The following PAM variants were observed in gnomAD, a reference collection of about 807,000 sequenced individuals.
The protein encoded by PAM is peptidylglycine alpha-amidating monooxygenase, also known as peptidyl-glycine alpha-amidating monooxygenase.
A neutral mutation model predicts 122.1 loss-of-function variants in PAM; 72 were observed. The ratio of observed to expected loss-of-function variants is 0.59; its 90% CI spans 0.49 to 0.72. The LOEUF (loss-of-function observed/expected upper bound fraction) is 0.72. Ranked by LOEUF, PAM falls within the 30% of genes least tolerant of loss-of-function variation. The pLI is 0.00. For missense variants in PAM, 1,106 were observed against 1,183.7 expected, an observed-to-expected ratio of 0.93 and a Z score of 0.96; for synonymous variants, 389 against 404.4, an observed-to-expected ratio of 0.96 and a Z score of 0.46.
intron 4 of PAM, among the ~76,000 whole-genome samples, chr5:102,902,987 CATA>C (rs1798450091): frequency 6.6e-6 from 1 of 151,324 alleles, no homozygotes; most frequent in African/African-American, 2.4e-5. Context: ...TTTACGTTCA[CATA>C]ATTTAAAATG....
At chr5:102,924,835 A>G (rs1050108215) in intron 5 of PAM, 122 bp from the exon 6 acceptor site, 1 of 633,944 alleles carries the variant, frequency 1.6e-6, no homozygotes, top group African/African-American at 1.8e-5. Context: ...AATATCATGC[A>G]ATGATGATAT....
chr5:102,933,614 G>GT (rs1286694865), intron 7 of PAM, among the ~76,000 whole-genome samples: 1 of 152,232 alleles, frequency 6.6e-6, no homozygotes, highest in African/African-American at 2.4e-5. Flanking sequence ...GTAGTAGAGT[G>GT]AAGAGCCAGG....
intron 15 of PAM, among the ~76,000 whole-genome samples, chr5:102,978,959 A>G (rs1036564169): frequency 1.3e-5 from 2 of 151,958 alleles, no homozygotes; most frequent in Admixed American, 6.6e-5. Context: ...TCCACAGCTC[A>G]AGAAACCAAG....
At chr5:102,869,671 G>T (rs573333553) in intron 3 of PAM, among the ~76,000 whole-genome samples, 4 of 152,268 alleles carry the variant, frequency 2.6e-5, no homozygotes, top group Admixed American at 6.5e-5. Context: ...ACTATCCATT[G>T]AATATGCCCA....
intron 1 of PAM, among the ~76,000 whole-genome samples, chr5:102,767,952 A>G (rs970799648): frequency 1.3e-5 from 2 of 152,142 alleles, no homozygotes; most frequent in Admixed American, 1.3e-4. Context: ...ATTTGAATCC[A>G]CAGACTCTGG....
chr5:102,887,050 A>T (rs1793343527), intron 3 of PAM, among the ~76,000 whole-genome samples: 1 of 152,066 alleles, frequency 6.6e-6, no homozygotes, highest in Non-Finnish European at 1.5e-5. Flanking sequence ...GGTACTTAGT[A>T]GACATTAAGA....
intron 4 of PAM, among the ~76,000 whole-genome samples, chr5:102,903,304 T>C (rs1185521018): frequency 6.6e-6 from 1 of 151,580 alleles, no homozygotes; most frequent in African/African-American, 2.4e-5. Context: ...AGGTGGTTTG[T>C]GGTTACTGTT....
At chr5:102,765,905 A>G (rs897698100) in intron 1 of PAM, among the ~76,000 whole-genome samples, 1 of 152,208 alleles carries the variant, frequency 6.6e-6, no homozygotes, top group African/African-American at 2.4e-5. Context: ...GATCATCTGC[A>G]AAGACCCTAT....
At chr5:102,886,398 G>A (rs957653249) in intron 3 of PAM, among the ~76,000 whole-genome samples, 15 of 151,770 alleles carry the variant, frequency 9.9e-5, no homozygotes, top group Admixed American at 2.6e-4. Flanking sequence ...GTAATTTTGC[G>A]GAGTATTGAA....
At chr5:102,781,576 T>C (rs900481186) in intron 1 of PAM, among the ~76,000 whole-genome samples, 2 of 152,354 alleles carry the variant, frequency 1.3e-5, no homozygotes, top group South Asian at 2.1e-4. Flanking sequence ...GCTGTTCCTT[T>C]TACCACATTG....
At chr5:102,776,452 C>T (rs376400078) in intron 1 of PAM, among the ~76,000 whole-genome samples, 7 of 151,790 alleles carry the variant, frequency 4.6e-5, no homozygotes, top group South Asian at 2.1e-4. Flanking sequence ...TTTCTTCTAG[C>T]GTTTTTATAG....
chr5:102,812,686 A>T (rs556396574), intron 1 of PAM, among the ~76,000 whole-genome samples: 7 of 152,250 alleles, frequency 4.6e-5, no homozygotes, highest in Non-Finnish European at 8.8e-5. Context: ...ATGTTTAAAA[A>T]ATCTGATTTT....
chr5:102,823,314 T>C (rs1234147953), intron 1 of PAM, among the ~76,000 whole-genome samples: 1 of 152,178 alleles, frequency 6.6e-6, no homozygotes, highest in Admixed American at 6.5e-5. Flanking sequence ...TGAGTTGAAA[T>C]AGAGTCATAA....
intron 3 of PAM, among the ~76,000 whole-genome samples, chr5:102,869,928 G>A (rs945215976): frequency 2.0e-5 from 3 of 150,072 alleles, no homozygotes; most frequent in Non-Finnish European, 3.0e-5. Flanking sequence ...AGAGTTGACC[G>A]AAAAACAAAA....
At chr5:102,911,541 C>G (rs1377517388) in intron 4 of PAM, among the ~76,000 whole-genome samples, 3 of 151,846 alleles carry the variant, frequency 2.0e-5, no homozygotes, top group Non-Finnish European at 4.4e-5. Context: ...AGAATTTATA[C>G]TTTGATTAAT....
intron 3 of PAM, among the ~76,000 whole-genome samples, chr5:102,870,294 T>A (rs572779467): frequency 8.8e-4 from 134 of 152,298 alleles, no homozygotes; most frequent in Non-Finnish European, 1.6e-3. Context: ...ATCTTATGTG[T>A]ATCCTTTCTT....
Position 102,970,961 on chromosome 5 carries a change from C to A in PAM, c.1163-3155C>A, listed in dbSNP as rs188243747. Reference sequence around the variant, plus strand: ...AGCTGGGATTACAGGTGCCCACCACCACACCTGGCTAATTTTTGTATTTTT... The same window carrying A: ...AGCTGGGATTACAGGTGCCCACCACAACACCTGGCTAATTTTTGTATTTTT... On this transcript the variant is annotated intron_variant, in intron 14 of 25. Transcript: ENST00000438793. Among the ~76,000 whole-genome samples, 134 of 152,140 alleles carry A rather than the reference C, an allele frequency of 8.8e-4. 1 individual carries two copies. Among genetic ancestry groups the A allele is most frequent in the African/African-American group, 3.2e-3 (132 of 41,520 alleles).
intron 3 of PAM, among the ~76,000 whole-genome samples, chr5:102,886,142 G>A (rs568955897): frequency 2.0e-4 from 30 of 152,066 alleles, no homozygotes; most frequent in African/African-American, 7.0e-4. Context: ...TATTTATCAT[G>A]GTTAAGAATT....
chr5:102,903,986 A>G (rs1202049102), intron 4 of PAM, among the ~76,000 whole-genome samples: 1 of 151,572 alleles, frequency 6.6e-6, no homozygotes, highest in Non-Finnish European at 1.5e-5. Flanking sequence ...ACAAATACCC[A>G]TGAAGATTTA....
Sources: gnomAD v4.1 joint callset for allele counts (sites outside exome capture counted in the v4.1 genomes callset) on GRCh38, gnomAD v4.1.1 for gene constraint, MANE v1.5 for transcripts, NCBI Gene and HGNC (gene_info 2026-07-23, HGNC 2026-07-21) for gene names.